SYNE2: variants seen among roughly 807,000 people sequenced by gnomAD.
SYNE2 encodes spectrin repeat containing nuclear envelope protein 2.
SYNE2 carries 431 observed loss-of-function variants against 856.3 expected under a neutral mutation model. That is an observed-to-expected ratio of 0.50 (90% CI 0.47 to 0.55). The LOEUF is 0.55. SYNE2 is among the 20% of genes least tolerant of loss of function. The probability of loss-of-function intolerance (pLI) is 0.00; values close to 1 mark genes in which losing one functional copy is unlikely to be tolerated. For missense variants in SYNE2, 8,129 were observed against 8,023.2 expected, an observed-to-expected ratio of 1.01 and a Z score of -0.50; for synonymous variants, 2,923 against 2,872.3, an observed-to-expected ratio of 1.02 and a Z score of -0.56.
chr14:63,876,926 T>TA (rs1177609542), intron 1 of SYNE2, among the ~76,000 whole-genome samples: 1 of 152,232 alleles, frequency 6.6e-6, no homozygotes, highest in Non-Finnish European at 1.5e-5. Flanking sequence ...CTCAGCCTGT[T>TA]ACTTAGTCCA....
intron 73 of SYNE2, 136 bp from the exon 74 acceptor site, chr14:64,128,316 A>T: frequency 1.6e-6 from 1 of 638,926 alleles, no homozygotes; most frequent in South Asian, 1.9e-5. Context: ...TTTAATGATG[A>T]TAAAATGGGG....
At chr14:64,125,267 T>A in intron 71 of SYNE2, 57 bp downstream of exon 71, 1 of 1,608,660 alleles carries the variant, frequency 6.2e-7, no homozygotes, top group Non-Finnish European at 8.5e-7. Flanking sequence ...AAAGGAGATA[T>A]CATCATTGTG....
intron 108 of SYNE2, 36 bp downstream of exon 108, chr14:64,216,423 C>A: frequency 1.9e-6 from 3 of 1,603,878 alleles, no homozygotes; most frequent in Non-Finnish European, 2.6e-6. Flanking sequence ...CAGCCTATGT[C>A]TGTGAGTCAT....
chr14:63,900,206 G>A (rs1051799167), intron 1 of SYNE2, among the ~76,000 whole-genome samples: 1 of 152,214 alleles, frequency 6.6e-6, no homozygotes, highest in African/African-American at 2.4e-5. Flanking sequence ...GAGATTGCAA[G>A]CCCAGTGGCA....
intron 83 of SYNE2, among the ~76,000 whole-genome samples, chr14:64,145,509 A>G (rs2098176132): frequency 1.1e-5 from 1 of 90,456 alleles, no homozygotes. Flanking sequence ...CTCCGTCTCA[A>G]AAAAAAAAAA....
Position 64,217,929 on chromosome 14 carries a change from C to T in SYNE2, c.19543-469C>T, listed in dbSNP as rs142810881. On this transcript the variant is annotated intron_variant, in intron 108 of 115. Transcript: ENST00000555002. ...AGATAAACACTTGGTAACGAATGCCCCTGGGAGGCAGATTCATCCTCTGTG... is the reference window on the plus strand; with the variant it reads ...AGATAAACACTTGGTAACGAATGCCTCTGGGAGGCAGATTCATCCTCTGTG... Among the ~76,000 whole-genome samples, 19 of 152,226 alleles carry T rather than the reference C, an allele frequency of 1.2e-4. No homozygotes were observed. The East Asian group carries it at 3.7e-3, about 29-fold the overall frequency.
chr14:64,128,666 T>A (rs2097975888), intron 74 of SYNE2, 113 bp downstream of exon 74: 1 of 728,162 alleles, frequency 1.4e-6, no homozygotes. Flanking sequence ...CTTAAGTAAA[T>A]AAATAAAAAA....
chr14:63,871,970 A>G (rs1291034186), intron 1 of SYNE2, among the ~76,000 whole-genome samples: 2 of 152,184 alleles, frequency 1.3e-5, no homozygotes, highest in Non-Finnish European at 2.9e-5. Flanking sequence ...AAGCTGCTGT[A>G]CTGAATTTGG....
intron 1 of SYNE2, among the ~76,000 whole-genome samples, chr14:63,908,006 G>A (rs2153348410): frequency 6.6e-6 from 1 of 152,226 alleles, no homozygotes; most frequent in Middle Eastern, 3.4e-3. Flanking sequence ...TAAACAGAGG[G>A]GGCAGGCAGG....
chr14:64,186,554 G>T lies in SYNE2; in HGVS notation c.17687G>T (p.Arg5896Ile). 6.2e-7 allele frequency: 1 copy of T among 1,614,202 alleles called. No homozygotes were observed. The stretch of plus-strand genomic sequence containing the variant: ...AAGGAGCAAATAGAGCATTTGCACA[G>T]ACAATGGGAGGACCTCTGCTTAAGG... The part of the protein sequence containing the change: ...VLKEQIEHLH[R>I]QWEDLCLRVA... The change falls in exon 97 of 116, where the codon AGA becomes ATA. Residue 5896 changes from arginine (R) to isoleucine (I), a missense_variant. Physicochemically the swap from Arg to Ile is moderately conservative, Grantham distance 97. Around this residue, in one of 3 missense-constraint regions of SYNE2, gnomAD observed 5,410 missense variants for 5,284.8 expected, o/e 1.02. Transcript: ENST00000555002.
At chr14:63,821,977 G>A (rs1889234212) in intron 1 of SYNE2, among the ~76,000 whole-genome samples, 1 of 152,142 alleles carries the variant, frequency 6.6e-6, no homozygotes, top group African/African-American at 2.4e-5. Context: ...CATCACTTGA[G>A]GTTAGGAGCT....
intron 19 of SYNE2, 24 bp from the exon 20 acceptor site, chr14:63,990,387 T>A: frequency 6.2e-7 from 1 of 1,608,814 alleles, no homozygotes; most frequent in African/African-American, 1.3e-5. Context: ...TTTATTGTGA[T>A]CTCACTTCAA....
chr14:64,215,742 T>G, intron 107 of SYNE2: 1 of 390,624 alleles, frequency 2.6e-6, no homozygotes, highest in Non-Finnish European at 4.6e-6. Flanking sequence ...GGGTGGGGGG[T>G]TGGGGCGGTA....
At chr14:63,878,711 T>G (rs1221971798) in intron 1 of SYNE2, among the ~76,000 whole-genome samples, 5 of 152,196 alleles carry the variant, frequency 3.3e-5, no homozygotes, top group Non-Finnish European at 7.4e-5. Context: ...CCTGGCTAAA[T>G]TTTGTATTTT....
Position 64,190,251 on chromosome 14 carries a change from T to G in SYNE2, c.18038+14T>G. ...CATCGGATCAAGGTAAGAAATGGGC[T>G]AAAAATGATTACTCTCCAGGAACAG... On this transcript the variant is annotated intron_variant, in intron 99 of 115. Transcript: ENST00000555002. 1 of 1,613,918 alleles carries G rather than the reference T, an allele frequency of 6.2e-7. No individual in the cohort carries two copies. Among genetic ancestry groups the G allele is most frequent in the Non-Finnish European group, 8.5e-7 (1 of 1,179,936 alleles).
chr14:63,863,236 A>T (rs551170166), intron 1 of SYNE2, among the ~76,000 whole-genome samples: 1 of 152,182 alleles, frequency 6.6e-6, no homozygotes, highest in South Asian at 2.1e-4. Context: ...GTCTTAGTCA[A>T]TGTGCTCCAT....
In SYNE2 at chr14:64,216,401, T is replaced by C. The variant is rs749853012; in HGVS notation, c.19542+14T>C. 1 of 1,613,700 alleles carries C rather than the reference T, an allele frequency of 6.2e-7. No individual in the cohort carries two copies. Among genetic ancestry groups the C allele is most frequent in the Non-Finnish European group, 8.5e-7 (1 of 1,179,586 alleles). ...AAACCACCCTATGTAAGTCTTAACT[T>C]CACTGGGAGTACAGCCTATGTCTGT... On this transcript the variant is annotated intron_variant, in intron 108 of 115. Transcript: ENST00000555002.
chr14:63,960,942 T>C (rs1457820860), intron 8 of SYNE2: 5 of 543,976 alleles, frequency 9.2e-6, no homozygotes, highest in Non-Finnish European at 1.3e-5. Context: ...AATTCAGCAT[T>C]TTACAAACTT....
chr14:63,993,952 G>A lies in SYNE2; in HGVS notation c.2764G>A (p.Val922Ile), dbSNP rs760332506. The A allele has an allele frequency of 8.7e-6, 14 of 1,613,698 alleles. No homozygotes were observed. The South Asian group carries it at 1.1e-4, about 13-fold the overall frequency. ...GTCTTTAGAAGAAAAGAGTAGAGAT[G>A]TCTGTGCCAAATGGGAGGTAAGAAC... Reference protein sequence around the residue: ...KMSLEEKSRDVCAKWESLHHE... With the variant: ...KMSLEEKSRDICAKWESLHHE... Residue 922 changes from valine to isoleucine, a missense_variant, in exon 22 of 116, where the codon GTC (valine) becomes ATC (isoleucine). Val to Ile is a conservative substitution (Grantham distance 29). Transcript: ENST00000555002.
Sources: gnomAD v4.1 joint callset for allele counts (sites outside exome capture counted in the v4.1 genomes callset) on GRCh38, gnomAD v4.1.1 for gene constraint, gnomAD v4.1.1 regional missense constraint, MANE v1.5 for transcripts, NCBI Gene and HGNC (gene_info 2026-07-23, HGNC 2026-07-21) for gene names.